NF1: variants seen among roughly 807,000 people sequenced by gnomAD.
The protein encoded by NF1 is neurofibromin 1, also known as neurofibromin.
In NF1, 122 loss-of-function variants were observed where a neutral mutation model predicts 325.7. The observed-to-expected ratio is 0.37, with a 90% CI of 0.32 to 0.44. The LOEUF (loss-of-function observed/expected upper bound fraction) is 0.44, where lower values mean the gene tolerates loss of function less well. Ranked by LOEUF, NF1 falls within the 20% of genes least tolerant of loss-of-function variation. The pLI, the probability that NF1 is intolerant of heterozygous loss-of-function variation, is 1.00. For missense variants in NF1, 2,140 were observed against 3,415.4 expected, an observed-to-expected ratio of 0.63 and a Z score of 9.31; for synonymous variants, 1,091 against 1,186.0, an observed-to-expected ratio of 0.92 and a Z score of 1.65.
At position 31,374,804 on chromosome 17, in the gene NF1, T is replaced by C. The variant is rs984421614; in HGVS notation, c.*649T>C. 4.3e-6 allele frequency: 1 copy of C among 232,778 alleles called. No homozygotes were observed. The highest frequency in any genetic ancestry group is 8.5e-6 in the Non-Finnish European group (1 of 117,614). 14.4% of individuals were successfully genotyped at this position (232,778 alleles called of 1,614,324 possible). On this transcript the variant is annotated 3_prime_UTR_variant, in exon 58 of 58. Transcript: ENST00000358273. ...TTAAGAAATACTAACACTTGAGTAT[T>C]AGCAATAATTACAGGAAAATAAGTG... is the stretch of plus-strand genomic sequence containing the variant.
At position 31,095,203 on chromosome 17, in the gene NF1, CCCTCTCCTTG is replaced by C; in HGVS notation, c.-101_-92del. Reference sequence around the variant, plus strand: ...ACACTGGGAGCCTGCACTCCACAGACCCTCTCCTTGCCTCTTCCCTCACCTCAGCCTCCGC... The same window carrying C: ...ACACTGGGAGCCTGCACTCCACAGACCCTCTTCCCTCACCTCAGCCTCCGC... On this transcript the variant is annotated 5_prime_UTR_variant, in exon 1 of 58. Transcript: ENST00000358273. 5 of 1,036,856 alleles carry C rather than the reference CCCTCTCCTTG, an allele frequency of 4.8e-6. No individual in the cohort carries two copies. Among genetic ancestry groups the C allele is most frequent in the African/African-American group, 1.6e-5 (1 of 63,602 alleles). The allele number at this position is 1,036,856 out of a possible 1,614,324, so 64.2% of individuals were successfully genotyped here.
At chr17:31,335,636 T>C (rs2069647230) in intron 40 of NF1, among the ~76,000 whole-genome samples, 1 of 151,848 alleles carries the variant, frequency 6.6e-6, no homozygotes, top group Non-Finnish European at 1.5e-5. Context: ...TTGGAGCCAG[T>C]GTTGCAGCCC....
At chr17:31,307,222 G>A (rs747317792) in intron 36 of NF1, among the ~76,000 whole-genome samples, 3 of 151,306 alleles carry the variant, frequency 2.0e-5, no homozygotes, top group Admixed American at 6.6e-5. Flanking sequence ...GGGTTTCACC[G>A]TGTTGGCCAG....
Position 31,162,182 on chromosome 17 carries a change from A to G in NF1, c.289-1004A>G, listed in dbSNP as rs554595804. On this transcript the variant is annotated intron_variant, in intron 3 of 57. Transcript: ENST00000358273. ...CCCACTTAAAGTCATGGGAAATAAGAGTGGTGAATATGGGCCAGGCGTAGT... is the reference window on the plus strand; with the variant it reads ...CCCACTTAAAGTCATGGGAAATAAGGGTGGTGAATATGGGCCAGGCGTAGT... 3.6e-4 allele frequency among the ~76,000 whole-genome samples: 55 copies of G among 151,818 alleles called. 1 individual carries two copies. Among genetic ancestry groups the G allele is most frequent in the African/African-American group, 1.3e-3 (55 of 41,444 alleles).
At chr17:31,317,485 G>A (rs1257525378) in intron 36 of NF1, 1 of 151,850 alleles carries the variant, frequency 6.6e-6, no homozygotes, top group Admixed American at 6.6e-5. Flanking sequence ...TAATGTTCCA[G>A]TAAGTAGTAT....
chr17:31,223,658 C>T, intron 16 of NF1, 91 bp downstream of exon 16: 1 of 1,242,428 alleles, frequency 8.0e-7, no homozygotes, highest in Non-Finnish European at 1.2e-6. Context: ...AAATTAGGTT[C>T]TATTTCAGCT....
intron 5 of NF1, among the ~76,000 whole-genome samples, chr17:31,176,524 T>G (rs893903253): frequency 3.3e-5 from 5 of 152,222 alleles, no homozygotes; most frequent in Admixed American, 1.3e-4. Context: ...AGATCCCATT[T>G]GTCAATTTTG....
intron 29 of NF1, among the ~76,000 whole-genome samples, chr17:31,237,117 G>T (rs1364938097): frequency 6.6e-6 from 1 of 152,020 alleles, no homozygotes; most frequent in Admixed American, 6.5e-5. Context: ...CTTGATGATT[G>T]TTCTTCCTAA....
In NF1 at chr17:31,326,126, A is replaced by G. The variant is rs1555533379; in HGVS notation, c.5142A>G (p.Lys1714=). 1 of 1,613,036 alleles carries G rather than the reference A, an allele frequency of 6.2e-7. No individual in the cohort carries two copies. The highest frequency in any genetic ancestry group is 1.7e-5 in the Admixed American group (1 of 59,898). The stretch of plus-strand genomic sequence containing the variant: ...TTGTTTTCATAGACTGTCCTGGGAA[A>G]CTGGCTGAGCACATAGAGCATGAAC... ...KRLVFIDCPG[K]LAEHIEHEQQ... is the part of the protein sequence containing the mutation. Residue 1714 remains lysine (K), a synonymous_variant, in exon 37 of 58, where the codon AAA becomes AAG. Coordinates refer to ENST00000358273, the MANE Select transcript of NF1 (RefSeq NM_001042492.3).
At chr17:31,250,293 A>G (rs1005933425) in intron 30 of NF1, 5 of 239,128 alleles carry the variant, frequency 2.1e-5, no homozygotes, top group African/African-American at 1.1e-4. Flanking sequence ...AACTTAATAC[A>G]GTGAATATCT....
chr17:31,136,542 C>T (rs1661491275), intron 1 of NF1: 1 of 152,098 alleles, frequency 6.6e-6, no homozygotes, highest in African/African-American at 2.4e-5. Context: ...AGTCCTGCTT[C>T]GTCTTACTTG....
At chr17:31,364,028 A>G (rs1363971290) in intron 57 of NF1, among the ~76,000 whole-genome samples, 1 of 152,232 alleles carries the variant, frequency 6.6e-6, no homozygotes, top group Non-Finnish European at 1.5e-5. Context: ...GGCTTGAGCC[A>G]CGGCGCTCAG....
At chr17:31,328,285 A>G (rs552437061) in intron 38 of NF1, among the ~76,000 whole-genome samples, 2 of 152,194 alleles carry the variant, frequency 1.3e-5, no homozygotes, top group Non-Finnish European at 2.9e-5. Flanking sequence ...AAATTCTCAA[A>G]ATAAATCTTA....
intron 1 of NF1, among the ~76,000 whole-genome samples, chr17:31,102,804 C>T (rs1285878488): frequency 6.6e-6 from 1 of 150,426 alleles, no homozygotes; most frequent in Non-Finnish European, 1.5e-5. Context: ...CCAATATATA[C>T]CTTACTTTAG....
At chr17:31,105,267 G>T (rs1912753484) in intron 1 of NF1, among the ~76,000 whole-genome samples, 1 of 152,192 alleles carries the variant, frequency 6.6e-6, no homozygotes, top group Non-Finnish European at 1.5e-5. Context: ...TCAAGCTAGT[G>T]TGGAGTTCAT....
chr17:31,272,245 GAGTGCA>G (rs2067913702), intron 36 of NF1: 1 of 152,216 alleles, frequency 6.6e-6, no homozygotes, highest in Admixed American at 6.5e-5. Flanking sequence ...ACTTCAGCCT[GAGTGCA>G]AGTATACACA....
At position 31,249,961 on chromosome 17, in the gene NF1, C is replaced by T. The variant is rs532056277; in HGVS notation, c.4110+842C>T. 33 of 490,066 alleles carry T rather than the reference C, an allele frequency of 6.7e-5. 1 individual carries two copies. The highest frequency in any genetic ancestry group is 4.2e-4 in the South Asian group (27 of 64,840). The allele number at this position is 490,066 out of a possible 1,614,324, so 30.4% of individuals were successfully genotyped here. ...TGTGTCTCTCTCTTTGCAGAGTCATCGCAGCCATTTGCTTTTTTAGCACAC... is the reference window on the plus strand; with the variant it reads ...TGTGTCTCTCTCTTTGCAGAGTCATTGCAGCCATTTGCTTTTTTAGCACAC... On this transcript the variant is annotated intron_variant, in intron 30 of 57. Transcript: ENST00000358273.
At chr17:31,277,111 A>T (rs1760995963) in intron 36 of NF1, among the ~76,000 whole-genome samples, 1 of 152,200 alleles carries the variant, frequency 6.6e-6, no homozygotes, top group African/African-American at 2.4e-5. Flanking sequence ...GTGGAAGTGG[A>T]TTATCACGAA....
chr17:31,201,387 G>A (rs779552355), intron 10 of NF1, 24 bp from the exon 11 acceptor site: 2 of 1,557,950 alleles, frequency 1.3e-6, no homozygotes, highest in South Asian at 2.3e-5. Flanking sequence ...GAAATAATCT[G>A]CTTTTTTTTT....
Sources: allele counts gnomAD v4.1 joint callset (sites outside exome capture counted in the v4.1 genomes callset), GRCh38; gene constraint gnomAD v4.1.1; transcripts MANE v1.5; gene names NCBI Gene and HGNC (gene_info 2026-07-23, HGNC 2026-07-21).